Variants in PRR14L observed in about 807,000 individuals in gnomAD.
PRR14L encodes proline rich 14 like.
In PRR14L, 80 loss-of-function variants were observed where a neutral mutation model predicts 155.0. The ratio of observed to expected loss-of-function variants is 0.52; its 90% CI spans 0.43 to 0.62. PRR14L has a LOEUF of 0.62. Among genes scored for constraint, PRR14L ranks in the 20% least tolerant of loss-of-function variants. The pLI is 0.00. For synonymous variants in PRR14L, 883 were observed against 916.0 expected (o/e 0.96, Z 0.65); for missense variants, 2,469 against 2,548.0 (o/e 0.97, Z 0.67).
In PRR14L at chr22:31,745,057, G is replaced by T. The variant is rs556985779; in HGVS notation, c.-52+4936C>A. Among the ~76,000 whole-genome samples the T allele has an allele frequency of 2.0e-3, 310 of 152,298 alleles. 1 individual carries two copies. Among genetic ancestry groups the T allele is most frequent in the Non-Finnish European group, 3.0e-3 (204 of 68,024 alleles). ...AACAGCTGGAACCCTAAGAGGTGAGGTGATATTAAATGCAAGCCTAGAGTG... is the reference window on the plus strand; with the variant it reads ...AACAGCTGGAACCCTAAGAGGTGAGTTGATATTAAATGCAAGCCTAGAGTG... On this transcript the variant is annotated intron_variant, in intron 1 of 8. Transcript: ENST00000327423.
rs2074477062 is a variant in PRR14L, at chr22:31,685,373, G to C, written c.*154C>G. 3.1e-6 allele frequency: 2 copies of C among 639,804 alleles called. No homozygotes were observed. The highest frequency in any genetic ancestry group is 2.6e-6 in the Non-Finnish European group (1 of 378,014). 39.6% of individuals were successfully genotyped at this position (639,804 alleles called of 1,614,324 possible). ...TCTAAAAAGGTTGCACCTTGAAATA[G>C]GTAAAAATTCATGGACTGTGCATTT... On this transcript the variant is annotated 3_prime_UTR_variant, in exon 9 of 9. Transcript: ENST00000327423.
chr22:31,703,522 T>G, intron 6 of PRR14L, 28 bp downstream of exon 6: 2 of 1,599,076 alleles, frequency 1.3e-6, no homozygotes, highest in Non-Finnish European at 1.7e-6. Flanking sequence ...GCCACCATCA[T>G]CTGACCCAAC....
Position 31,682,675 on chromosome 22 carries a change from C to G in PRR14L, c.*2852G>C, listed in dbSNP as rs2074460717. ...AACCCTGATTAGACCTGAGATTTCTCCTCTTTCCCATATTAAAAACACTAA... is the reference window on the plus strand; with the variant it reads ...AACCCTGATTAGACCTGAGATTTCTGCTCTTTCCCATATTAAAAACACTAA... On this transcript the variant is annotated 3_prime_UTR_variant, in exon 9 of 9. Coordinates refer to ENST00000327423, the MANE Select transcript of PRR14L (RefSeq NM_173566.3). 6.6e-6 allele frequency: 1 copy of G among 152,062 alleles called. No homozygotes were observed. The allele number at this position is 152,062 out of a possible 1,614,324, so 9.4% of individuals were successfully genotyped here.
intron 1 of PRR14L, among the ~76,000 whole-genome samples, chr22:31,741,240 G>A (rs552606646): frequency 3.1e-4 from 39 of 125,260 alleles, no homozygotes; most frequent in East Asian, 2.1e-3. Context: ...GTGACAGAGC[G>A]AGGCTCTGTC....
At chr22:31,702,049 C>T (rs1011691621) in intron 6 of PRR14L, among the ~76,000 whole-genome samples, 2 of 152,094 alleles carry the variant, frequency 1.3e-5, no homozygotes, top group Non-Finnish European at 2.9e-5. Flanking sequence ...ATCCTTTTGC[C>T]TCAGCCTCTG....
At chr22:31,726,226 G>A (rs1601511031) in intron 2 of PRR14L, among the ~76,000 whole-genome samples, 1 of 151,728 alleles carries the variant, frequency 6.6e-6, no homozygotes, top group South Asian at 2.1e-4. Flanking sequence ...TGCCTCATGG[G>A]TTCAAGCAAT....
At chr22:31,686,121 T>A (rs1244321317) in intron 8 of PRR14L, among the ~76,000 whole-genome samples, 1 of 150,578 alleles carries the variant, frequency 6.6e-6, no homozygotes, top group African/African-American at 2.5e-5. Flanking sequence ...TTTTTTAAGA[T>A]GGAGTCTTAC....
chr22:31,711,776 C>CAAAAA (rs757790329), intron 4 of PRR14L, among the ~76,000 whole-genome samples: 215 of 48,626 alleles, frequency 4.4e-3, no homozygotes, highest in East Asian at 6.5e-3. Context: ...AAGAGTTAAT[C>CAAAAA]AAAAAAAAAA....
chr22:31,718,698 A>T (rs2074673913), intron 3 of PRR14L, among the ~76,000 whole-genome samples: 1 of 148,044 alleles, frequency 6.8e-6, no homozygotes, highest in South Asian at 2.1e-4. Flanking sequence ...ACACATGAAC[A>T]TGGGTATATG....
rs2074638657 is a variant in PRR14L, at chr22:31,713,928, A to C, written c.3911T>G (p.Val1304Gly). Reference sequence around the variant, plus strand: ...ACAAGCTTTGCAAGCATTCTTTTCCACACAGGTACATACGCTGTCTCTGTC... The same window carrying C: ...ACAAGCTTTGCAAGCATTCTTTTCCCCACAGGTACATACGCTGTCTCTGTC... The part of the protein sequence containing the change: ...SSDRDSVCTC[V>G]EKNACKACHP... The change falls in exon 4 of 9, where the codon GTG becomes GGG. Residue 1304 changes from valine (V) to glycine (G), a missense_variant. Val to Gly is a moderately radical substitution (Grantham distance 109, BLOSUM62 -3). Transcript: ENST00000327423. The C allele has an allele frequency of 1.3e-6, 2 of 1,551,682 alleles. No homozygotes were observed. The highest frequency in any genetic ancestry group is 2.0e-5 in the Admixed American group (1 of 50,964).
chr22:31,738,146 A>G (rs925784197), intron 2 of PRR14L, among the ~76,000 whole-genome samples: 7 of 152,212 alleles, frequency 4.6e-5, no homozygotes, highest in Non-Finnish European at 8.8e-5. Flanking sequence ...CACAGACTCA[A>G]CATTTCATAT....
At chr22:31,703,923 G>A (rs977036498) in intron 5 of PRR14L, among the ~76,000 whole-genome samples, 3 of 151,466 alleles carry the variant, frequency 2.0e-5, no homozygotes, top group Admixed American at 6.6e-5. Context: ...TCAGCCCCTC[G>A]AGTAGCTGAA....
Position 31,683,578 on chromosome 22 carries a change from T to A in PRR14L, c.*1949A>T, listed in dbSNP as rs2074465966. ...AATGACAGAATCTGGTTAGCATCAT[T>A]CAGAGCTGGTACGGAAGCCTGGCTC... is the stretch of plus-strand genomic sequence containing the variant. On this transcript the variant is annotated 3_prime_UTR_variant, in exon 9 of 9. Transcript: ENST00000327423. 6.6e-6 allele frequency: 1 copy of A among 152,300 alleles called. No homozygotes were observed. Among genetic ancestry groups the A allele is most frequent in the South Asian group, 2.1e-4 (1 of 4,826 alleles). 9.4% of individuals were successfully genotyped at this position (152,300 alleles called of 1,614,324 possible).
At chr22:31,737,403 C>T (rs910150281) in intron 2 of PRR14L, among the ~76,000 whole-genome samples, 1 of 151,880 alleles carries the variant, frequency 6.6e-6, no homozygotes, top group Non-Finnish European at 1.5e-5. Flanking sequence ...ATCGCTTGAA[C>T]CTGGGAGGCA....
In PRR14L at chr22:31,713,006, T is replaced by G. The variant is rs1175638005; in HGVS notation, c.4833A>C (p.Lys1611Asn). 4 of 1,552,024 alleles carry G rather than the reference T, an allele frequency of 2.6e-6. No individual in the cohort carries two copies. The highest frequency in any genetic ancestry group is 3.5e-6 in the Non-Finnish European group (4 of 1,147,094). Residue 1611 changes from lysine to asparagine, a missense_variant, in exon 4 of 9, where the codon AAA becomes AAC. Around this residue, in one of 2 missense-constraint regions of PRR14L, gnomAD observed 2,363 missense variants for 2,371.6 expected, o/e 1.00. Transcript: ENST00000327423. ...LRSLNFRKTT[K>N]ESALLNKLSI... is the part of the protein sequence containing the mutation. ...ACAGCTTGTTTAGTAAGGCTGATTC[T>G]TTGGTAGTCTTCCTAAAATTCAGGC...
In PRR14L at chr22:31,738,410, C is replaced by T. The variant is rs1234414117; in HGVS notation, c.451G>A (p.Glu151Lys). Residue 151 changes from glutamate to lysine, a missense_variant, in exon 2 of 9, where the codon GAA becomes AAA. By Grantham distance (56) the Glu-to-Lys change is moderately conservative (BLOSUM62 1). Around this residue, in one of 2 missense-constraint regions of PRR14L, gnomAD observed 2,363 missense variants for 2,371.6 expected, o/e 1.00. Coordinates refer to ENST00000327423, the MANE Select transcript of PRR14L (RefSeq NM_173566.3). ...ACCTGACTCGGGCTAGTCTTTTCTTCAGCAGCTGTGGAATGTTGATGTGGA... is the reference window on the plus strand; with the variant it reads ...ACCTGACTCGGGCTAGTCTTTTCTTTAGCAGCTGTGGAATGTTGATGTGGA... The part of the protein sequence containing the change: ...EDPHQHSTAA[E>K]EKTSPSQEDL... 13 of 1,552,174 alleles carry T rather than the reference C, an allele frequency of 8.4e-6. No individual in the cohort carries two copies. The South Asian group carries it at 1.3e-4, about 16-fold the overall frequency.
chr22:31,706,364 CAAA>C (rs1192585065), intron 4 of PRR14L, among the ~76,000 whole-genome samples: 2 of 57,136 alleles, frequency 3.5e-5, no homozygotes. Flanking sequence ...CTCTATCTCA[CAAA>C]AAAAAAAAAA....
chr22:31,706,132 G>A (rs190721579), intron 4 of PRR14L, among the ~76,000 whole-genome samples: 2,008 of 149,990 alleles, frequency 0.013, 104 homozygotes, highest in Admixed American at 0.087. Flanking sequence ...AGGAATTCAA[G>A]ACCAGCCTGG....
In PRR14L at chr22:31,728,609, G is replaced by GAA. The variant is rs747588484; in HGVS notation, c.475-3001_475-3000dup. 4.6e-4 allele frequency among the ~76,000 whole-genome samples: 43 copies of GAA among 94,356 alleles called. 1 individual carries two copies. Among genetic ancestry groups the GAA allele is most frequent in the East Asian group, 4.5e-3 (14 of 3,086 alleles). 61.9% of individuals were successfully genotyped at this position (94,356 alleles called of 152,430 possible). A position where few individuals can be genotyped will look rare whatever the true frequency, so the allele number is the denominator to read the frequency against. On this transcript the variant is annotated intron_variant, in intron 2 of 8. Coordinates refer to ENST00000327423, the MANE Select transcript of PRR14L (RefSeq NM_173566.3). The stretch of plus-strand genomic sequence containing the variant: ...GCCTGGGTGACAGAGACTTCATCTC[G>GAA]AAAAAAAAAAAAAAACGTATACTAC...
Sources: allele counts gnomAD v4.1 joint callset (sites outside exome capture counted in the v4.1 genomes callset), GRCh38; gene constraint gnomAD v4.1.1; regional missense constraint gnomAD v4.1.1; transcripts MANE v1.5; gene names NCBI Gene and HGNC (gene_info 2026-07-23, HGNC 2026-07-21).